Variants in VRK2 observed in about 807,000 individuals in gnomAD.
The protein encoded by VRK2 is serine/threonine-protein kinase VRK2.
VRK2 carries 60 observed loss-of-function variants against 57.6 expected under a neutral mutation model. The observed-to-expected ratio is 1.04, with a 90% CI of 0.85 to 1.29. The LOEUF (loss-of-function observed/expected upper bound fraction) is 1.29. Among genes scored for constraint, VRK2 ranks in the 50% most tolerant of loss-of-function variants. The probability of loss-of-function intolerance (pLI) is 0.00; values close to 1 mark genes in which losing one functional copy is unlikely to be tolerated. For synonymous variants in VRK2, 231 were observed against 199.2 expected (o/e 1.16, Z -1.35); for missense variants, 705 against 588.1 (o/e 1.20, Z -2.06).
intron 10 of VRK2, among the ~76,000 whole-genome samples, chr2:58,136,928 A>C (rs1220966337): frequency 1.3e-4 from 17 of 133,480 alleles, no homozygotes; most frequent in Non-Finnish European, 1.7e-4. Flanking sequence ...ATATGTGTAT[A>C]TATCATATAT....
intron 2 of VRK2, among the ~76,000 whole-genome samples, chr2:58,053,351 A>G (rs1011099644): frequency 2.0e-5 from 3 of 152,256 alleles, no homozygotes; most frequent in Non-Finnish European, 2.9e-5. Context: ...AAATCAGATC[A>G]TTTATCCATG....
At chr2:58,075,303 A>G (rs1430900497) in intron 2 of VRK2, among the ~76,000 whole-genome samples, 1 of 152,104 alleles carries the variant, frequency 6.6e-6, no homozygotes, top group Non-Finnish European at 1.5e-5. Context: ...ATTGATGGAC[A>G]TCTAGGTTGA....
At chr2:58,088,762 C>T (rs1441523047) in intron 6 of VRK2, among the ~76,000 whole-genome samples, 1 of 152,136 alleles carries the variant, frequency 6.6e-6, no homozygotes, top group Non-Finnish European at 1.5e-5. Flanking sequence ...TCAGTTATAA[C>T]AATGCAAATT....
intron 1 of VRK2, among the ~76,000 whole-genome samples, chr2:57,929,098 C>T (rs1452403655): frequency 6.6e-6 from 1 of 152,206 alleles, no homozygotes; most frequent in Non-Finnish European, 1.5e-5. Flanking sequence ...GCTCTACAAT[C>T]CGCAGGTAGC....
At chr2:58,092,128 G>C (rs1382520675) in intron 7 of VRK2, among the ~76,000 whole-genome samples, 1 of 152,138 alleles carries the variant, frequency 6.6e-6, no homozygotes, top group African/African-American at 2.4e-5. Context: ...CTGCCACCAA[G>C]ATGTAGAACA....
At chr2:57,978,102 T>G (rs926388868) in intron 1 of VRK2, among the ~76,000 whole-genome samples, 2 of 151,242 alleles carry the variant, frequency 1.3e-5, no homozygotes, top group Non-Finnish European at 2.9e-5. Context: ...TTTTTTCTAC[T>G]TTAAGAGTAT....
At position 57,991,370 on chromosome 2, in the gene VRK2, G is replaced by GA. The variant is rs200338969; in HGVS notation, c.-438-34284dup. Among the ~76,000 whole-genome samples, 1,094 of 145,008 alleles carry GA rather than the reference G, an allele frequency of 7.5e-3. 12 individuals carry two copies. The highest frequency in any genetic ancestry group is 0.023 in the African/African-American group (938 of 40,062). On this transcript the variant is annotated intron_variant, in intron 1 of 15. Transcript: ENST00000417641. ...ATTACTCCATGTAAATTATATTTTA[G>GA]AAAAAAAAAAAGCGAAAAAGTGGTA...
At chr2:57,932,545 C>T (rs1670763953) in intron 1 of VRK2, among the ~76,000 whole-genome samples, 1 of 152,038 alleles carries the variant, frequency 6.6e-6, no homozygotes, top group African/African-American at 2.4e-5. Flanking sequence ...ATAACATCTC[C>T]TCTTTCATTT....
In VRK2 at chr2:58,039,265, G is replaced by A. The variant is rs143129620; in HGVS notation, c.-6+5712G>A. Among the ~76,000 whole-genome samples, 149 of 152,262 alleles carry A rather than the reference G, an allele frequency of 9.8e-4. 1 individual carries two copies. Among genetic ancestry groups the A allele is most frequent in the African/African-American group, 3.6e-3 (148 of 41,544 alleles). ...AGCCAAAGATAACCGAAAGCAATGT[G>A]CATCCTAATTGCACTTCCTCACAAC... On this transcript the variant is annotated intron_variant, in intron 3 of 15. Transcript: ENST00000417641.
At chr2:57,951,736 G>T (rs1671432343) in intron 1 of VRK2, among the ~76,000 whole-genome samples, 1 of 152,020 alleles carries the variant, frequency 6.6e-6, no homozygotes, top group African/African-American at 2.4e-5. Flanking sequence ...ATGATTGTTA[G>T]CAGTTTTAAG....
Position 58,131,664 on chromosome 2 carries a change from T to C in VRK2, c.677-144T>C, listed in dbSNP as rs1431149274. ...GACTGGGGCCAAATGCTTGGGCGTT[T>C]AAGTTTTATTCCAGCTGAACAAATA... On this transcript the variant is annotated intron_variant, in intron 8 of 12. Coordinates refer to ENST00000340157, the MANE Select transcript of VRK2 (RefSeq NM_006296.7). The C allele has an allele frequency of 6.6e-6, 7 of 1,053,720 alleles. No homozygotes were observed. In the East Asian group the frequency reaches 1.6e-4, roughly 24 times the overall value. The allele number at this position is 1,053,720 out of a possible 1,614,324, so 65.3% of individuals were successfully genotyped here.
intron 1 of VRK2, among the ~76,000 whole-genome samples, chr2:57,918,508 G>A (rs993062480): frequency 6.6e-6 from 1 of 152,052 alleles, no homozygotes; most frequent in East Asian, 1.9e-4. Flanking sequence ...TATTGTCAAT[G>A]CCACTTTTAG....
intron 1 of VRK2, among the ~76,000 whole-genome samples, chr2:57,978,853 C>A (rs1467708103): frequency 6.6e-6 from 1 of 150,764 alleles, no homozygotes; most frequent in African/African-American, 2.5e-5. Flanking sequence ...CTCTCCATGT[C>A]CATGTGTTCT....
chr2:58,115,219 T>C (rs1486313185), intron 7 of VRK2, among the ~76,000 whole-genome samples: 2 of 151,602 alleles, frequency 1.3e-5, no homozygotes, highest in Non-Finnish European at 2.9e-5. Context: ...GAAGGAAATA[T>C]GGGGAAATGG....
intron 7 of VRK2, among the ~76,000 whole-genome samples, chr2:58,118,817 G>A (rs904779306): frequency 1.3e-5 from 2 of 152,210 alleles, no homozygotes; most frequent in African/African-American, 4.8e-5. Context: ...GGGAGATAGG[G>A]GTGGGGCCGT....
intron 1 of VRK2, among the ~76,000 whole-genome samples, chr2:57,920,189 C>T (rs942046885): frequency 3.3e-5 from 5 of 152,014 alleles, no homozygotes; most frequent in Non-Finnish European, 7.4e-5. Context: ...CAAATAAGAT[C>T]AGTCCAAAAA....
chr2:57,926,461 G>A (rs866735917), intron 1 of VRK2, among the ~76,000 whole-genome samples: 1 of 89,996 alleles, frequency 1.1e-5, no homozygotes, highest in African/African-American at 4.4e-5. Context: ...GTGTGTGTGT[G>A]TGTGTGTATA....
chr2:57,984,844 G>A (rs998255536), intron 1 of VRK2, among the ~76,000 whole-genome samples: 1 of 151,916 alleles, frequency 6.6e-6, no homozygotes, highest in Admixed American at 6.6e-5. Flanking sequence ...ATTATTAAAA[G>A]GGATCATTAT....
chr2:58,154,321 CT>C (rs149177287), intron 12 of VRK2, among the ~76,000 whole-genome samples: 11,344 of 146,132 alleles, frequency 0.078, 1,352 homozygotes, highest in African/African-American at 0.26. Flanking sequence ...CTTTGGATTT[CT>C]TTTTTTTTTA....
Sources: gnomAD v4.1 joint callset for allele counts (sites outside exome capture counted in the v4.1 genomes callset) on GRCh38, gnomAD v4.1.1 for gene constraint, MANE v1.5 for transcripts, NCBI Gene and HGNC (gene_info 2026-07-23, HGNC 2026-07-21) for gene names.